FREM2: variants seen among roughly 807,000 people sequenced by gnomAD.
FREM2 encodes FRAS1 related extracellular matrix 2.
A neutral mutation model predicts 219.9 loss-of-function variants in FREM2; 119 were observed. The ratio of observed to expected loss-of-function variants is 0.54; its 90% CI spans 0.47 to 0.63. FREM2 has a LOEUF of 0.63. Ranked by LOEUF, FREM2 falls within the 30% of genes least tolerant of loss-of-function variation. The pLI, the probability that FREM2 is intolerant of heterozygous loss-of-function variation, is 0.00. For missense variants in FREM2, 4,030 were observed against 3,993.6 expected, an observed-to-expected ratio of 1.01 and a Z score of -0.25; for synonymous variants, 1,562 against 1,522.8, an observed-to-expected ratio of 1.03 and a Z score of -0.60.
rs1484446638 is a variant in FREM2 at position 38,851,680 on chromosome 13, T to C, written c.6743-6T>C. 4 of 1,594,024 alleles carry C rather than the reference T, an allele frequency of 2.5e-6. No individual in the cohort carries two copies. In the Middle Eastern group the frequency reaches 7.2e-4, roughly 289 times the overall value. ...TTTCATTTGTCTTTGTTTCCCACAA[T>C]TTTAGAGACTGTTATTAAATTTGGA... On this transcript the variant is annotated splice_polypyrimidine_tract_variant and splice_region_variant and intron_variant, in intron 10 of 23. Transcript: ENST00000280481.
At chr13:38,879,281 A>G (rs1322886711) in intron 23 of FREM2, among the ~76,000 whole-genome samples, 2 of 152,226 alleles carry the variant, frequency 1.3e-5, no homozygotes, top group Non-Finnish European at 2.9e-5. Flanking sequence ...AGTCTTATTT[A>G]GCCCAGAATA....
chr13:38,845,279 T>C (rs1877108249), intron 6 of FREM2, among the ~76,000 whole-genome samples: 1 of 152,222 alleles, frequency 6.6e-6, no homozygotes, highest in South Asian at 2.1e-4. Flanking sequence ...GAATTTTCTT[T>C]GGCTTTCCAA....
intron 23 of FREM2, 75 bp downstream of exon 23, chr13:38,879,052 T>C: frequency 3.9e-6 from 5 of 1,293,900 alleles, no homozygotes; most frequent in Non-Finnish European, 5.6e-6. Flanking sequence ...ATGCCTCAGA[T>C]GTCTCATATG....
At chr13:38,733,163 G>A (rs996335486) in intron 2 of FREM2, among the ~76,000 whole-genome samples, 1 of 152,160 alleles carries the variant, frequency 6.6e-6, no homozygotes, top group Non-Finnish European at 1.5e-5. Context: ...ATCTAGAGAG[G>A]TGAAGGTTTT....
chr13:38,708,747 A>G (rs751948579), intron 2 of FREM2, among the ~76,000 whole-genome samples: 4 of 152,092 alleles, frequency 2.6e-5, no homozygotes, highest in Non-Finnish European at 5.9e-5. Context: ...TCTACTTTAT[A>G]ACTCTCAATG....
At position 38,882,098 on chromosome 13, in the gene FREM2, C is replaced by T. The variant is rs570910433; in HGVS notation, c.*1311C>T. 1 of 152,260 alleles carries T rather than the reference C, an allele frequency of 6.6e-6. No homozygotes were observed. Among genetic ancestry groups the T allele is most frequent in the Admixed American group, 6.5e-5 (1 of 15,294 alleles). The allele number at this position is 152,260 out of a possible 1,614,324, so 9.4% of individuals were successfully genotyped here. On this transcript the variant is annotated 3_prime_UTR_variant, in exon 24 of 24. Coordinates refer to ENST00000280481, the MANE Select transcript of FREM2 (RefSeq NM_207361.6). Reference sequence around the variant, plus strand: ...GTAACAGTGCTTACCATTCACCTCCCAAAGCCAAGGAACTTGAGTGAGCTT... The same window carrying T: ...GTAACAGTGCTTACCATTCACCTCCTAAAGCCAAGGAACTTGAGTGAGCTT...
At chr13:38,860,844 T>C (rs1474150889) in intron 14 of FREM2, among the ~76,000 whole-genome samples, 1 of 152,196 alleles carries the variant, frequency 6.6e-6, no homozygotes, top group Non-Finnish European at 1.5e-5. Context: ...GAATATAAAA[T>C]GGATTATAAT....
At chr13:38,869,789 A>C (rs1352644856) in intron 16 of FREM2, among the ~76,000 whole-genome samples, 1 of 152,226 alleles carries the variant, frequency 6.6e-6, no homozygotes, top group Non-Finnish European at 1.5e-5. Context: ...CAAAATGGTT[A>C]TTAAAGTTAA....
chr13:38,845,478 C>G (rs7323599), intron 6 of FREM2, among the ~76,000 whole-genome samples: 40,013 of 152,058 alleles, frequency 0.26, 6,987 homozygotes, highest in African/African-American at 0.49. Flanking sequence ...TGACTAGAAT[C>G]TGTCAAGTCA....
intron 6 of FREM2, among the ~76,000 whole-genome samples, chr13:38,828,923 C>T (rs1407671633): frequency 6.6e-6 from 1 of 151,906 alleles, no homozygotes; most frequent in African/African-American, 2.4e-5. Context: ...AGTACATATC[C>T]TTTTTCACAT....
chr13:38,690,492 A>G lies in FREM2; in HGVS notation c.3148A>G (p.Ile1050Val), dbSNP rs1474555236. The change falls in exon 1 of 24, where the codon ATC (isoleucine) becomes GTC (valine). Residue 1050 changes from isoleucine (I) to valine (V), a missense_variant. Ile to Val is a conservative substitution (Grantham distance 29). This residue lies in a region of FREM2 where 3,102 missense variants were observed against 2,950.7 expected (regional missense o/e 1.05). Transcript: ENST00000280481. ...SQEWRIGGNTIQGVTIWVTIL... is the reference protein window; with the variant it reads ...SQEWRIGGNTVQGVTIWVTIL... ...AGAATGGAGAATTGGTGGCAATACT[A>G]TCCAAGGAGTTACTATATGGGTGAC... is the stretch of plus-strand genomic sequence containing the variant. 9.9e-6 allele frequency: 16 copies of G among 1,614,086 alleles called. No individual in the cohort carries two copies. The highest frequency in any genetic ancestry group is 3.3e-5 in the Admixed American group (2 of 60,010).
chr13:38,756,288 G>A (rs1227454517), intron 2 of FREM2, among the ~76,000 whole-genome samples: 3 of 152,162 alleles, frequency 2.0e-5, no homozygotes, highest in Non-Finnish European at 2.9e-5. Flanking sequence ...GGGAAATACA[G>A]GGTTAGGTTT....
rs531277526 is a variant in FREM2, at chr13:38,714,679, C to T, written c.5263+16892C>T. On this transcript the variant is annotated intron_variant, in intron 2 of 23. Coordinates refer to ENST00000280481, the MANE Select transcript of FREM2 (RefSeq NM_207361.6). ...TTGATTATTCCACAATATATACATACTTCAACGTATACACATTTGGTCATT... is the reference window on the plus strand; with the variant it reads ...TTGATTATTCCACAATATATACATATTTCAACGTATACACATTTGGTCATT... Among the ~76,000 whole-genome samples, 185 of 152,244 alleles carry T rather than the reference C, an allele frequency of 1.2e-3. 1 individual carries two copies. The highest frequency in any genetic ancestry group is 0.01 in the Middle Eastern group (3 of 294).
At chr13:38,842,006 G>T (rs1469617037) in intron 6 of FREM2, among the ~76,000 whole-genome samples, 1 of 152,152 alleles carries the variant, frequency 6.6e-6, no homozygotes, top group African/African-American at 2.4e-5. Context: ...CCCCACAGAA[G>T]TGACTTCTCA....
rs1335583559 is a variant in FREM2, at chr13:38,835,340, T to A, written c.6020-11233T>A. Among the ~76,000 whole-genome samples the A allele has an allele frequency of 2.6e-5, 4 of 152,260 alleles. No homozygotes were observed. The South Asian group carries it at 8.3e-4, about 32-fold the overall frequency. ...TTTGGTACCAGCATCATGCTGTTTT[T>A]GTTGCCATAGGCTTGTAGTATAATT... On this transcript the variant is annotated intron_variant, in intron 6 of 23. Coordinates refer to ENST00000280481, the MANE Select transcript of FREM2 (RefSeq NM_207361.6).
intron 3 of FREM2, 122 bp downstream of exon 3, chr13:38,764,572 T>C (rs1327549131): frequency 1.6e-6 from 1 of 632,356 alleles, no homozygotes; most frequent in Non-Finnish European, 2.7e-6. Flanking sequence ...TTAAAAGTTC[T>C]CTAACTGCTA....
chr13:38,838,624 C>T (rs1876815811), intron 6 of FREM2, among the ~76,000 whole-genome samples: 2 of 152,204 alleles, frequency 1.3e-5, no homozygotes, highest in Admixed American at 1.3e-4. Context: ...GGTCTTTTCA[C>T]ATAGACCCAT....
At chr13:38,870,880 T>A (rs1451338241) in intron 16 of FREM2, among the ~76,000 whole-genome samples, 1 of 152,158 alleles carries the variant, frequency 6.6e-6, no homozygotes, top group Non-Finnish European at 1.5e-5. Context: ...TTGGAAAAAA[T>A]TATTCTTAGC....
intron 6 of FREM2, among the ~76,000 whole-genome samples, chr13:38,813,494 CTCTCTCTCTCTCTCTCTCTCTCTCCTCT>C (rs1566151417): frequency 6.1e-5 from 1 of 16,298 alleles, no homozygotes; most frequent in African/African-American, 2.1e-4. Context: ...CTCTCTCTCT[CTCTCTCTCTCTCTCTCTCTCTCTCCTCT>C]CTCTCTCTCT....
Sources: gnomAD v4.1 joint callset for allele counts (sites outside exome capture counted in the v4.1 genomes callset) on GRCh38, gnomAD v4.1.1 for gene constraint, gnomAD v4.1.1 regional missense constraint, MANE v1.5 for transcripts, NCBI Gene and HGNC (gene_info 2026-07-23, HGNC 2026-07-21) for gene names.